The following ASAP1 variants were observed in gnomAD, a reference collection of about 807,000 sequenced individuals.
The protein encoded by ASAP1 is ArfGAP with SH3 domain, ankyrin repeat and PH domain 1.
In ASAP1, 43 loss-of-function variants were observed where a neutral mutation model predicts 145.2. The observed-to-expected ratio is 0.30, with a 90% CI of 0.23 to 0.38. ASAP1 has a LOEUF of 0.38. ASAP1 is among the 10% of genes least tolerant of loss of function. The pLI, the probability that ASAP1 is intolerant of heterozygous loss-of-function variation, is 1.00. For missense variants in ASAP1, 1,018 were observed against 1,355.3 expected (o/e 0.75, Z 3.91); for synonymous variants, 546 against 515.5 (o/e 1.06, Z -0.80).
intron 28 of ASAP1, among the ~76,000 whole-genome samples, chr8:130,060,235 G>A (rs879901809): frequency 7.2e-5 from 11 of 152,160 alleles, no homozygotes; most frequent in Admixed American, 7.2e-4. Flanking sequence ...CTAGGTGCCA[G>A]CCAAGTGCTG....
intron 4 of ASAP1, among the ~76,000 whole-genome samples, chr8:130,215,992 AAGGAAAGG>A (rs1220236379): frequency 7.3e-6 from 1 of 137,482 alleles, no homozygotes; most frequent in Admixed American, 7.2e-5. Flanking sequence ...AAGGAAAGGA[AAGGAAAGG>A]AAAGGAAAGG....
At chr8:130,097,847 A>C (rs1384586618) in intron 24 of ASAP1, among the ~76,000 whole-genome samples, 1 of 152,228 alleles carries the variant, frequency 6.6e-6, no homozygotes, top group Non-Finnish European at 1.5e-5. Flanking sequence ...AGGTGGTTTG[A>C]GAATATCTCC....
rs58367856 is a variant in ASAP1, at chr8:130,151,370, C to CAAAAAAAAA, written c.1080+1357_1080+1365dup. Among the ~76,000 whole-genome samples, 58 of 62,854 alleles carry CAAAAAAAAA rather than the reference C, an allele frequency of 9.2e-4. 3 individuals are homozygous for CAAAAAAAAA. Among genetic ancestry groups the CAAAAAAAAA allele is most frequent in the African/African-American group, 1.3e-3 (23 of 18,110 alleles). 41.2% of individuals were successfully genotyped at this position (62,854 alleles called of 152,430 possible). ...TGGGTGAAAGAGCGAGACTCAGTCT[C>CAAAAAAAAA]AAAAAAAAAAAAAAAAAAAAAAAAA... On this transcript the variant is annotated intron_variant, in intron 13 of 29. Coordinates refer to ENST00000518721, the MANE Select transcript of ASAP1 (RefSeq NM_018482.4).
At chr8:130,079,301 A>G (rs1297122709) in intron 26 of ASAP1, among the ~76,000 whole-genome samples, 1 of 152,166 alleles carries the variant, frequency 6.6e-6, no homozygotes, top group Non-Finnish European at 1.5e-5. Context: ...CTTTCCTTGG[A>G]TGGCACCTCC....
chr8:130,300,662 G>T (rs977550121), intron 3 of ASAP1, among the ~76,000 whole-genome samples: 7 of 152,204 alleles, frequency 4.6e-5, no homozygotes, highest in Admixed American at 1.3e-4. Flanking sequence ...TAATGAAGTT[G>T]AAAGAACCTG....
chr8:130,087,946 T>C (rs932117392), intron 25 of ASAP1, among the ~76,000 whole-genome samples: 1 of 152,078 alleles, frequency 6.6e-6, no homozygotes, highest in Non-Finnish European at 1.5e-5. Flanking sequence ...TTGAGGTTGC[T>C]GGGATGGGTG....
chr8:130,195,172 CTA>C (rs1212011980), intron 5 of ASAP1: 3 of 152,122 alleles, frequency 2.0e-5, no homozygotes, highest in Non-Finnish European at 4.4e-5. Context: ...TGATTCAAGT[CTA>C]TAAGAAGTCG....
intron 3 of ASAP1, among the ~76,000 whole-genome samples, chr8:130,283,583 G>GA (rs745389921): frequency 7.1e-4 from 70 of 98,748 alleles, no homozygotes; most frequent in African/African-American, 1.2e-3. Context: ...CTCCATCACA[G>GA]AAAGAAAAAA....
At chr8:130,180,657 C>A in intron 8 of ASAP1, 94 bp downstream of exon 8, 1 of 1,390,338 alleles carries the variant, frequency 7.2e-7, no homozygotes, top group South Asian at 1.4e-5. Flanking sequence ...AATAATCAAA[C>A]AGAGTCTGCC....
intron 2 of ASAP1, among the ~76,000 whole-genome samples, chr8:130,380,829 C>T (rs897329009): frequency 1.3e-4 from 20 of 152,138 alleles, no homozygotes; most frequent in African/African-American, 4.1e-4. Flanking sequence ...AGTGATCTTT[C>T]GCCTCAGATT....
At chr8:130,114,408 A>G (rs1338721947) in intron 23 of ASAP1, among the ~76,000 whole-genome samples, 1 of 152,270 alleles carries the variant, frequency 6.6e-6, no homozygotes, top group Non-Finnish European at 1.5e-5. Context: ...AACATGTTAT[A>G]TAAGATTAAA....
chr8:130,277,174 C>A (rs1820964018), intron 3 of ASAP1, among the ~76,000 whole-genome samples: 1 of 152,102 alleles, frequency 6.6e-6, no homozygotes, highest in Non-Finnish European at 1.5e-5. Flanking sequence ...GACCACAGGC[C>A]ACGGTAACCT....
chr8:130,245,545 C>T (rs1818795718), intron 3 of ASAP1, among the ~76,000 whole-genome samples: 1 of 152,134 alleles, frequency 6.6e-6, no homozygotes, highest in South Asian at 2.1e-4. Flanking sequence ...AGGATTTAGT[C>T]CATCCAAGAA....
At chr8:130,253,167 G>A (rs536481560) in intron 3 of ASAP1, among the ~76,000 whole-genome samples, 1 of 152,236 alleles carries the variant, frequency 6.6e-6, no homozygotes, top group South Asian at 2.1e-4. Context: ...ACATGGTTTG[G>A]AACACAAAAT....
rs373984764 is a variant in ASAP1, at chr8:130,082,370, T to A, written c.2573-2399A>T. ...TAGGGCATTTATTTTTTTTCTTATTTTTTATTTATTTATTTTTTCAAGATG... is the reference window on the plus strand; with the variant it reads ...TAGGGCATTTATTTTTTTTCTTATTATTTATTTATTTATTTTTTCAAGATG... On this transcript the variant is annotated intron_variant, in intron 25 of 29. Coordinates refer to ENST00000518721, the MANE Select transcript of ASAP1 (RefSeq NM_018482.4). Among the ~76,000 whole-genome samples the A allele has an allele frequency of 7.9e-5, 12 of 152,216 alleles. 1 individual carries two copies. Among genetic ancestry groups the A allele is most frequent in the African/African-American group, 1.9e-4 (8 of 41,560 alleles).
chr8:130,169,056 T>A lies in ASAP1; in HGVS notation c.758A>T (p.Asp253Val), dbSNP rs772718510. The A allele has an allele frequency of 5.1e-6, 8 of 1,564,668 alleles. No individual in the cohort carries two copies. In the Admixed American group the frequency reaches 1.4e-4, roughly 28 times the overall value. ...CAACTTATCAGCTGTTTTCAAGCCA[T>A]CTTGAAAGAAACTACAATTAAAAAA... ...YYHAQCNFFQ[D>V]GLKTADKLKQ... Residue 253 changes from aspartate (D) to valine (V), a missense_variant, in exon 10 of 30, where the codon GAT (aspartate) becomes GTT (valine). Transcript: ENST00000518721.
At chr8:130,177,697 GA>G (rs1234797003) in intron 9 of ASAP1, among the ~76,000 whole-genome samples, 15 of 151,744 alleles carry the variant, frequency 9.9e-5, no homozygotes, top group East Asian at 3.9e-4. Context: ...AATTTACTTT[GA>G]AAAAAAGTTA....
At chr8:130,303,085 G>A (rs1822777227) in intron 3 of ASAP1, among the ~76,000 whole-genome samples, 2 of 152,218 alleles carry the variant, frequency 1.3e-5, no homozygotes, top group Non-Finnish European at 2.9e-5. Flanking sequence ...ACCTGGAGGT[G>A]CCTGTGTATG....
At chr8:130,426,453 C>T (rs1829921908) in intron 1 of ASAP1, among the ~76,000 whole-genome samples, 1 of 151,860 alleles carries the variant, frequency 6.6e-6, no homozygotes, top group South Asian at 2.1e-4. Flanking sequence ...ATCATTCTTC[C>T]ACTCACAACC....
Sources: allele counts gnomAD v4.1 joint callset (sites outside exome capture counted in the v4.1 genomes callset), GRCh38; gene constraint gnomAD v4.1.1; transcripts MANE v1.5; gene names NCBI Gene and HGNC (gene_info 2026-07-23, HGNC 2026-07-21).